The following SIPA1L1 variants were observed in gnomAD, a reference collection of about 807,000 sequenced individuals.
SIPA1L1 encodes signal-induced proliferation-associated 1-like protein 1.
SIPA1L1 carries 26 observed loss-of-function variants against 162.7 expected under a neutral mutation model. That is an observed-to-expected ratio of 0.16 (90% CI 0.12 to 0.22). The LOEUF is 0.22. SIPA1L1 is among the 10% of genes least tolerant of loss of function. SIPA1L1 has a pLI of 1.00. For missense variants in SIPA1L1, 1,874 were observed against 2,241.0 expected (o/e 0.84, Z 3.31); for synonymous variants, 829 against 837.4 (o/e 0.99, Z 0.17).
chr14:71,335,953 T>C (rs1171903345), intron 2 of SIPA1L1, among the ~76,000 whole-genome samples: 1 of 152,180 alleles, frequency 6.6e-6, no homozygotes, highest in Non-Finnish European at 1.5e-5. Flanking sequence ...TTAGAAAATT[T>C]TGGTCAATTG....
At chr14:71,440,479 C>T (rs2044749040) in intron 2 of SIPA1L1, among the ~76,000 whole-genome samples, 1 of 151,132 alleles carries the variant, frequency 6.6e-6, no homozygotes, top group African/African-American at 2.4e-5. Context: ...ATGGTGTTAC[C>T]CCGTCTACAA....
intron 13 of SIPA1L1, among the ~76,000 whole-genome samples, chr14:71,696,104 CTAG>C (rs1051817618): frequency 3.3e-5 from 5 of 152,128 alleles, no homozygotes; most frequent in African/African-American, 1.2e-4. Flanking sequence ...TAGTATCCCA[CTAG>C]TACGTGGCCC....
At chr14:71,632,702 T>A (rs1354160995) in intron 7 of SIPA1L1, among the ~76,000 whole-genome samples, 3 of 152,138 alleles carry the variant, frequency 2.0e-5, no homozygotes, top group Non-Finnish European at 4.4e-5. Flanking sequence ...GTAGTAATCA[T>A]GCATGCCTGA....
intron 2 of SIPA1L1, among the ~76,000 whole-genome samples, chr14:71,361,273 C>G (rs186639532): frequency 4.6e-5 from 7 of 152,146 alleles, no homozygotes; most frequent in African/African-American, 1.4e-4. Flanking sequence ...ACTGGGCTGG[C>G]AGTCAGGAGG....
intron 2 of SIPA1L1, among the ~76,000 whole-genome samples, chr14:71,352,079 GAGA>G (rs1437468119): frequency 6.6e-6 from 1 of 151,834 alleles, no homozygotes; most frequent in Non-Finnish European, 1.5e-5. Context: ...AGAGTGGCCA[GAGA>G]AGGCCTCATT....
chr14:71,538,387 C>T (rs1305109799), intron 4 of SIPA1L1, among the ~76,000 whole-genome samples: 1 of 152,148 alleles, frequency 6.6e-6, no homozygotes, highest in Admixed American at 6.5e-5. Flanking sequence ...GGAGCCACAG[C>T]TTGGAATAAT....
chr14:71,339,695 T>A (rs1382897130), intron 2 of SIPA1L1, among the ~76,000 whole-genome samples: 1 of 152,200 alleles, frequency 6.6e-6, no homozygotes, highest in Non-Finnish European at 1.5e-5. Flanking sequence ...CTTAATGTCT[T>A]GGTTGAGAAG....
intron 2 of SIPA1L1, among the ~76,000 whole-genome samples, chr14:71,332,675 C>G (rs893033980): frequency 1.3e-5 from 2 of 152,138 alleles, no homozygotes; most frequent in Non-Finnish European, 2.9e-5. Flanking sequence ...CTAGTTATGA[C>G]TAGTCCTGGG....
intron 18 of SIPA1L1, among the ~76,000 whole-genome samples, chr14:71,724,351 G>A (rs145849463): frequency 2.6e-5 from 4 of 152,256 alleles, no homozygotes; most frequent in Admixed American, 1.3e-4. Flanking sequence ...TTTTGTTTTC[G>A]TTTGTGCAAA....
intron 15 of SIPA1L1, among the ~76,000 whole-genome samples, chr14:71,703,118 C>G (rs375140665): frequency 6.6e-6 from 1 of 152,162 alleles, no homozygotes; most frequent in African/African-American, 2.4e-5. Flanking sequence ...CACCATAACA[C>G]TAGTTGATAC....
intron 10 of SIPA1L1, 81 bp from the exon 11 acceptor site, chr14:71,671,038 G>C: frequency 8.7e-7 from 1 of 1,150,802 alleles, no homozygotes; most frequent in Non-Finnish European, 1.2e-6. Flanking sequence ...GTACATCTTT[G>C]TCTTTGAGAA....
chr14:71,553,591 A>G (rs759700173), intron 4 of SIPA1L1, among the ~76,000 whole-genome samples: 32 of 152,226 alleles, frequency 2.1e-4, no homozygotes, highest in Non-Finnish European at 4.0e-4. Context: ...GGAAATGCTA[A>G]CAGTATAATT....
chr14:71,464,626 G>C (rs1472628316), intron 2 of SIPA1L1, among the ~76,000 whole-genome samples: 8 of 151,888 alleles, frequency 5.3e-5, no homozygotes, highest in African/African-American at 1.9e-4. Flanking sequence ...GGGTGACAGA[G>C]GGAGACTCCA....
In SIPA1L1 at chr14:71,476,648, G is replaced by A. The variant is rs978506247; in HGVS notation, c.-464-36095G>A. Among the ~76,000 whole-genome samples, 75 of 138,956 alleles carry A rather than the reference G, an allele frequency of 5.4e-4. 1 individual carries two copies. The highest frequency in any genetic ancestry group is 1.7e-3 in the African/African-American group (62 of 35,624). The allele number at this position is 138,956 out of a possible 152,430, so 91.2% of individuals were successfully genotyped here. A position where few individuals can be genotyped will look rare whatever the true frequency, so the allele number is the denominator to read the frequency against. ...GAATAACAAATCTGTCAATTTGTTC[G>A]TTTTATTTATTTATTTATTTATTTA... On this transcript the variant is annotated intron_variant, in intron 2 of 23. Transcript: ENST00000381232.
At chr14:71,543,340 CT>C (rs2054646010) in intron 4 of SIPA1L1, among the ~76,000 whole-genome samples, 1 of 152,174 alleles carries the variant, frequency 6.6e-6, no homozygotes. Context: ...AATAAGATTG[CT>C]ATCAACATTC....
chr14:71,464,212 C>A (rs1423452146), intron 2 of SIPA1L1, among the ~76,000 whole-genome samples: 1 of 152,178 alleles, frequency 6.6e-6, no homozygotes, highest in East Asian at 1.9e-4. Flanking sequence ...GCTTTTGGAT[C>A]CCTTCCTCTA....
chr14:71,676,481 T>C (rs1326127880), intron 12 of SIPA1L1, among the ~76,000 whole-genome samples: 1 of 151,730 alleles, frequency 6.6e-6, no homozygotes, highest in Non-Finnish European at 1.5e-5. Flanking sequence ...TTTTTTTTTT[T>C]TTAAGTATAT....
intron 2 of SIPA1L1, among the ~76,000 whole-genome samples, chr14:71,465,556 C>T (rs1460708150): frequency 1.3e-5 from 2 of 152,148 alleles, no homozygotes; most frequent in Non-Finnish European, 2.9e-5. Context: ...CTAAACAGTT[C>T]GTGCCAAGGA....
chr14:71,700,457 C>T lies in SIPA1L1; in HGVS notation c.3521+1330C>T, dbSNP rs1164292636. Among the ~76,000 whole-genome samples, 30 of 152,212 alleles carry T rather than the reference C, an allele frequency of 2.0e-4. 1 individual carries two copies. Among genetic ancestry groups the T allele is most frequent in the Non-Finnish European group, 4.3e-4 (29 of 68,044 alleles). ...TCTTAATACAAATTTAGAATAGGAT[C>T]ATAAATAGGTATATTTACTCTTATG... On this transcript the variant is annotated intron_variant, in intron 14 of 23. Transcript: ENST00000381232.
Sources: allele counts gnomAD v4.1 joint callset (sites outside exome capture counted in the v4.1 genomes callset), GRCh38; gene constraint gnomAD v4.1.1; transcripts MANE v1.5; gene names NCBI Gene and HGNC (gene_info 2026-07-23, HGNC 2026-07-21).